NBEA: variants seen among roughly 807,000 people sequenced by gnomAD.
The protein encoded by NBEA is lysosomal-trafficking regulator 2.
In NBEA, 44 loss-of-function variants were observed where a neutral mutation model predicts 343.4. The observed-to-expected ratio is 0.13, with a 90% CI of 0.10 to 0.16. The LOEUF (loss-of-function observed/expected upper bound fraction) is 0.16. NBEA is among the 10% of genes least tolerant of loss of function. The pLI is 1.00. For missense variants in NBEA, 2,555 were observed against 3,631.3 expected, an observed-to-expected ratio of 0.70 and a Z score of 7.62; for synonymous variants, 1,175 against 1,238.7, an observed-to-expected ratio of 0.95 and a Z score of 1.08.
intron 41 of NBEA, among the ~76,000 whole-genome samples, chr13:35,547,148 A>G (rs2079104094): frequency 6.6e-6 from 1 of 152,224 alleles, no homozygotes; most frequent in African/African-American, 2.4e-5. Context: ...TGAAAAGCAT[A>G]TAAGAACATA....
chr13:35,546,842 C>T (rs762148617), intron 41 of NBEA, among the ~76,000 whole-genome samples: 19 of 152,062 alleles, frequency 1.2e-4, no homozygotes, highest in Non-Finnish European at 1.9e-4. Flanking sequence ...CGTGAGCCAC[C>T]GCTCCCGGCC....
intron 34 of NBEA, among the ~76,000 whole-genome samples, chr13:35,255,576 A>G (rs1221466960): frequency 6.6e-6 from 1 of 152,230 alleles, no homozygotes; most frequent in Non-Finnish European, 1.5e-5. Context: ...CTGCAGCTAG[A>G]TCAGGTGCAT....
chr13:34,986,703 A>G (rs1240980220), intron 1 of NBEA, among the ~76,000 whole-genome samples: 1 of 150,852 alleles, frequency 6.6e-6, no homozygotes, highest in African/African-American at 2.4e-5. Flanking sequence ...GACTTGCTTT[A>G]TGAGTCTGGG....
At chr13:35,557,521 G>T (rs918418571) in intron 44 of NBEA, among the ~76,000 whole-genome samples, 1 of 152,076 alleles carries the variant, frequency 6.6e-6, no homozygotes, top group Non-Finnish European at 1.5e-5. Flanking sequence ...AAAGCATCTT[G>T]CTATTATTGT....
intron 27 of NBEA, among the ~76,000 whole-genome samples, chr13:35,176,546 T>C (rs1328008333): frequency 6.6e-6 from 1 of 152,038 alleles, no homozygotes; most frequent in Non-Finnish European, 1.5e-5. Flanking sequence ...TTCTTTTTAA[T>C]CTTACCGTTT....
intron 39 of NBEA, among the ~76,000 whole-genome samples, chr13:35,445,216 A>C (rs1390761948): frequency 2.6e-5 from 4 of 152,048 alleles, no homozygotes; most frequent in Non-Finnish European, 5.9e-5. Context: ...TCTTTACGTA[A>C]ATCTTATGCA....
At chr13:35,668,606 T>C in intron 58 of NBEA, 87 bp downstream of exon 58, 3 of 1,279,718 alleles carry the variant, frequency 2.3e-6, no homozygotes, top group Non-Finnish European at 3.1e-6. Flanking sequence ...GTGCTGTGAG[T>C]GCAATTCCAG....
At chr13:35,595,355 A>G (rs1008565261) in intron 47 of NBEA, among the ~76,000 whole-genome samples, 1 of 151,790 alleles carries the variant, frequency 6.6e-6, no homozygotes, top group Non-Finnish European at 1.5e-5. Context: ...TTTTTTCCCC[A>G]AAGACTTAAT....
intron 10 of NBEA, among the ~76,000 whole-genome samples, chr13:35,095,181 A>G (rs897246022): frequency 2.0e-5 from 3 of 151,718 alleles, no homozygotes; most frequent in African/African-American, 7.2e-5. Context: ...TACCTCAAAG[A>G]TAATAAAACT....
rs185960394 is a variant in NBEA, at chr13:35,138,564, A to G, written c.2337-3705A>G. ...AACCTACACCTCCCATGTTCAAGTG[A>G]TTCTCCTGCCTTGGCCTCCAGAGTA... On this transcript the variant is annotated intron_variant, in intron 17 of 58. Coordinates refer to ENST00000379939, the MANE Select transcript of NBEA (RefSeq NM_001385012.1). 5.8e-3 allele frequency among the ~76,000 whole-genome samples: 870 copies of G among 150,552 alleles called. 8 individuals are homozygous for G. Among genetic ancestry groups the G allele is most frequent in the African/African-American group, 0.02 (815 of 40,868 alleles).
chr13:34,962,728 C>T (rs1351200972), intron 1 of NBEA, among the ~76,000 whole-genome samples: 4 of 151,904 alleles, frequency 2.6e-5, no homozygotes, highest in Non-Finnish European at 5.9e-5. Context: ...TGTACACTTT[C>T]GACAGAAATT....
At chr13:35,475,445 G>T in intron 41 of NBEA, 1 of 1,613,258 alleles carries the variant, frequency 6.2e-7, no homozygotes, top group Non-Finnish European at 8.5e-7. Context: ...GCGAACTGCA[G>T]CACCCAGGCG....
At chr13:35,366,517 G>C (rs545377502) in intron 38 of NBEA, among the ~76,000 whole-genome samples, 168 of 150,778 alleles carry the variant, frequency 1.1e-3, no homozygotes, top group Non-Finnish European at 2.1e-3. Flanking sequence ...AATGAAGTTA[G>C]GGTTTTTTTT....
intron 41 of NBEA, among the ~76,000 whole-genome samples, chr13:35,515,933 A>G (rs556580920): frequency 3.3e-5 from 5 of 152,334 alleles, no homozygotes; most frequent in South Asian, 2.1e-4. Context: ...CAATTATAAC[A>G]TAGCAACCAC....
intron 38 of NBEA, among the ~76,000 whole-genome samples, chr13:35,377,702 G>A (rs996292822): frequency 2.0e-5 from 3 of 152,092 alleles, no homozygotes; most frequent in Non-Finnish European, 4.4e-5. Context: ...TCAGCCCACT[G>A]TTTTACCATA....
At chr13:35,081,061 A>G (rs759190129) in intron 10 of NBEA, among the ~76,000 whole-genome samples, 7 of 152,144 alleles carry the variant, frequency 4.6e-5, no homozygotes, top group Non-Finnish European at 7.4e-5. Flanking sequence ...ATGATTTAAA[A>G]CATCGAATGA....
intron 10 of NBEA, among the ~76,000 whole-genome samples, chr13:35,080,895 A>G (rs138013848): frequency 1.1e-3 from 171 of 152,228 alleles, no homozygotes; most frequent in Admixed American, 2.9e-3. Flanking sequence ...TATCTTATGT[A>G]TAGTGAATAG....
At chr13:35,061,343 A>C (rs2063460452) in intron 8 of NBEA, among the ~76,000 whole-genome samples, 1 of 151,730 alleles carries the variant, frequency 6.6e-6, no homozygotes, top group Non-Finnish European at 1.5e-5. Context: ...AAATATTTAA[A>C]ATACTGAAAA....
intron 35 of NBEA, among the ~76,000 whole-genome samples, chr13:35,308,504 A>ATATG (rs1344259197): frequency 0.033 from 3,691 of 111,894 alleles, 96 homozygotes; most frequent in East Asian, 0.06. Flanking sequence ...ATATGTGTAT[A>ATATG]TATATATGTG....
Sources: gnomAD v4.1 joint callset for allele counts (sites outside exome capture counted in the v4.1 genomes callset) on GRCh38, gnomAD v4.1.1 for gene constraint, MANE v1.5 for transcripts, NCBI Gene and HGNC (gene_info 2026-07-23, HGNC 2026-07-21) for gene names.